The following CDH12 variants were observed in gnomAD, a reference collection of about 807,000 sequenced individuals.
The protein encoded by CDH12 is cadherin-12.
CDH12 carries 41 observed loss-of-function variants against 74.1 expected under a neutral mutation model. The ratio of observed to expected loss-of-function variants is 0.55; its 90% CI spans 0.43 to 0.72. The LOEUF (loss-of-function observed/expected upper bound fraction) is 0.72, where lower values mean the gene tolerates loss of function less well. Among genes scored for constraint, CDH12 ranks in the 30% least tolerant of loss-of-function variants. The probability of loss-of-function intolerance (pLI) is 0.00; values close to 1 mark genes in which losing one functional copy is unlikely to be tolerated. For synonymous variants in CDH12, 399 were observed against 355.0 expected (o/e 1.12, Z -1.39); for missense variants, 945 against 977.2 (o/e 0.97, Z 0.44).
In CDH12 at chr5:22,028,289, G is replaced by C. The variant is rs556826109; in HGVS notation, c.231+50157C>G. On this transcript the variant is annotated intron_variant, in intron 5 of 14. Transcript: ENST00000382254. ...AATTAGGCAGGAGAAGGAAATAAAG[G>C]GTATTCAATTAGGAAAAGAAGAAGT... 3.3e-5 allele frequency among the ~76,000 whole-genome samples: 5 copies of C among 152,096 alleles called. No homozygotes were observed. In the East Asian group the frequency reaches 7.7e-4, roughly 24 times the overall value.
At chr5:22,080,534 T>C (rs568740446) in intron 4 of CDH12, among the ~76,000 whole-genome samples, 3 of 152,252 alleles carry the variant, frequency 2.0e-5, no homozygotes, top group Non-Finnish European at 4.4e-5. Flanking sequence ...GACAAAATAA[T>C]ATTTATAAAA....
intron 1 of CDH12, among the ~76,000 whole-genome samples, chr5:22,708,995 T>G (rs1402276749): frequency 6.6e-6 from 1 of 152,050 alleles, no homozygotes; most frequent in Admixed American, 6.5e-5. Context: ...GGCAGGTCTT[T>G]GGCACCAACA....
intron 1 of CDH12, among the ~76,000 whole-genome samples, chr5:22,796,030 G>GT (rs748440766): frequency 6.6e-6 from 1 of 151,920 alleles, no homozygotes; most frequent in South Asian, 2.1e-4. Context: ...ACATGAGTTT[G>GT]TTTTTTATGG....
intron 5 of CDH12, 102 bp from the exon 6 acceptor site, chr5:21,975,487 C>T: frequency 1.4e-6 from 1 of 735,340 alleles, no homozygotes; most frequent in Non-Finnish European, 2.1e-6. Context: ...ATTTGCAATA[C>T]AATTCCTTTA....
chr5:21,810,856 T>C (rs1747708570), intron 9 of CDH12, among the ~76,000 whole-genome samples: 1 of 152,174 alleles, frequency 6.6e-6, no homozygotes, highest in Non-Finnish European at 1.5e-5. Context: ...CCAAATTTTA[T>C]TATCATTTTG....
intron 1 of CDH12, among the ~76,000 whole-genome samples, chr5:22,590,039 A>T (rs1211367840): frequency 6.6e-6 from 1 of 152,190 alleles, no homozygotes; most frequent in East Asian, 1.9e-4. Flanking sequence ...AGGTTGGTAT[A>T]TATGGGAGCT....
intron 3 of CDH12, among the ~76,000 whole-genome samples, chr5:22,345,921 T>C (rs1440976476): frequency 1.3e-5 from 2 of 151,976 alleles, no homozygotes; most frequent in Non-Finnish European, 2.9e-5. Flanking sequence ...CTGGCAAACG[T>C]AGTGAAATCC....
chr5:22,662,147 G>A lies in CDH12; in HGVS notation c.-522-156783C>T, dbSNP rs1390574933. ...ATACCAAAAAGTTCCATTATTGTCT[G>A]CAGTATGCACTCCTCTGGTTTAAGA... On this transcript the variant is annotated intron_variant, in intron 1 of 14. Transcript: ENST00000382254. Among the ~76,000 whole-genome samples the A allele has an allele frequency of 1.3e-5, 2 of 152,076 alleles. 1 individual carries two copies. The highest frequency in any genetic ancestry group is 2.9e-5 in the Non-Finnish European group (2 of 68,008).
intron 1 of CDH12, among the ~76,000 whole-genome samples, chr5:22,803,430 G>C (rs1748634161): frequency 6.6e-6 from 1 of 152,072 alleles, no homozygotes; most frequent in African/African-American, 2.4e-5. Flanking sequence ...ATTACTGATA[G>C]ATATAAAATC....
At chr5:21,996,313 A>G (rs1736299863) in intron 5 of CDH12, among the ~76,000 whole-genome samples, 1 of 152,070 alleles carries the variant, frequency 6.6e-6, no homozygotes, top group African/African-American at 2.4e-5. Flanking sequence ...GTGATCAGGT[A>G]TTGCAAAAAT....
chr5:22,103,407 C>A (rs1196228132), intron 4 of CDH12, among the ~76,000 whole-genome samples: 1 of 152,106 alleles, frequency 6.6e-6, no homozygotes, highest in Non-Finnish European at 1.5e-5. Context: ...GATCTTAGCA[C>A]CTCTGCAGCT....
intron 1 of CDH12, among the ~76,000 whole-genome samples, chr5:22,515,600 T>C (rs1289372348): frequency 6.6e-6 from 1 of 151,992 alleles, no homozygotes. Flanking sequence ...AACACACACA[T>C]ACACAAACTC....
intron 6 of CDH12, among the ~76,000 whole-genome samples, chr5:21,896,915 GAA>G (rs1348595392): frequency 3.3e-5 from 5 of 151,994 alleles, no homozygotes; most frequent in African/African-American, 1.2e-4. Flanking sequence ...TGTTGCTAGA[GAA>G]AAAGTCAAAG....
chr5:22,122,241 A>G (rs181800769), intron 4 of CDH12, among the ~76,000 whole-genome samples: 99 of 152,174 alleles, frequency 6.5e-4, no homozygotes, highest in Non-Finnish European at 9.7e-4. Flanking sequence ...CGTCTCTACT[A>G]AAAATACAAA....
At chr5:22,487,806 T>C (rs1262467) in intron 2 of CDH12, among the ~76,000 whole-genome samples, 143,224 of 152,294 alleles carry the variant, frequency 0.94, 67,439 homozygotes, top group Admixed American at 0.97. Context: ...ACAGCTCACA[T>C]TAACATAGAA....
rs184621437 is a variant in CDH12 at position 22,056,827 on chromosome 5, A to G, written c.231+21619T>C. ...TTTACAGATGTTTTGTGTTTTTCCT[A>G]CTTTACAGATGAGGATATTGAGGCA... On this transcript the variant is annotated intron_variant, in intron 5 of 14. Coordinates refer to ENST00000382254, the MANE Select transcript of CDH12 (RefSeq NM_004061.5). 3.9e-5 allele frequency among the ~76,000 whole-genome samples: 6 copies of G among 152,192 alleles called. No individual in the cohort carries two copies. In the East Asian group the frequency reaches 9.7e-4, roughly 25 times the overall value.
chr5:22,437,556 A>C (rs780445724), intron 2 of CDH12, among the ~76,000 whole-genome samples: 7 of 151,310 alleles, frequency 4.6e-5, no homozygotes, highest in Admixed American at 2.6e-4. Flanking sequence ...AAAAATAATA[A>C]ATAAATAAAT....
chr5:22,065,241 A>C (rs959908114), intron 5 of CDH12, among the ~76,000 whole-genome samples: 1 of 152,146 alleles, frequency 6.6e-6, no homozygotes, highest in Non-Finnish European at 1.5e-5. Flanking sequence ...GTGACCCATG[A>C]GGTGATGCAT....
At chr5:22,664,667 T>G (rs545015891) in intron 1 of CDH12, among the ~76,000 whole-genome samples, 2 of 152,282 alleles carry the variant, frequency 1.3e-5, no homozygotes, top group African/African-American at 2.4e-5. Context: ...GTTTCCTGTG[T>G]TCACTTAAAT....
Sources: allele counts gnomAD v4.1 joint callset (sites outside exome capture counted in the v4.1 genomes callset), GRCh38; gene constraint gnomAD v4.1.1; transcripts MANE v1.5; gene names NCBI Gene and HGNC (gene_info 2026-07-23, HGNC 2026-07-21).